DENND4C: variants seen among roughly 807,000 people sequenced by gnomAD.
DENND4C encodes DENN domain-containing protein 4C.
A neutral mutation model predicts 203.0 loss-of-function variants in DENND4C; 108 were observed. The ratio of observed to expected loss-of-function variants is 0.53; its 90% CI spans 0.46 to 0.62. The LOEUF is 0.62. Among genes scored for constraint, DENND4C ranks in the 20% least tolerant of loss-of-function variants. DENND4C has a pLI of 0.00. For missense variants in DENND4C, 2,481 were observed against 2,301.2 expected (o/e 1.08, Z -1.60); for synonymous variants, 871 against 792.4 (o/e 1.10, Z -1.67).
chr9:19,315,018 G>T (rs1302952119), intron 10 of DENND4C, among the ~76,000 whole-genome samples: 4 of 151,894 alleles, frequency 2.6e-5, no homozygotes, highest in Non-Finnish European at 5.9e-5. Context: ...AAATTAGCTG[G>T]GCGTGATGGC....
chr9:19,271,559 C>G (rs59648762), intron 1 of DENND4C, among the ~76,000 whole-genome samples: 4,238 of 152,182 alleles, frequency 0.028, 190 homozygotes, highest in African/African-American at 0.094. Flanking sequence ...AGTCAAAAAA[C>G]AGTTTTGAAA....
chr9:19,290,912 C>T (rs776337941), intron 5 of DENND4C, 36 bp downstream of exon 5: 16 of 1,570,292 alleles, frequency 1.0e-5, no homozygotes, highest in African/African-American at 1.4e-5. Flanking sequence ...CACATTTTGT[C>T]CATGTTTTTA....
rs760607591 is a variant in DENND4C at position 19,356,967 on chromosome 9, T to G, written c.4782-5T>G. On this transcript the variant is annotated splice_polypyrimidine_tract_variant and splice_region_variant and intron_variant, in intron 26 of 32. Transcript: ENST00000434457. ...GGCTCTTTTTCCCCCCTTTTCCTTA[T>G]GTAGCTTTTTCCTGAAACCAAGTAC... 2 of 1,613,122 alleles carry G rather than the reference T, an allele frequency of 1.2e-6. No individual in the cohort carries two copies. The highest frequency in any genetic ancestry group is 3.3e-5 in the Admixed American group (2 of 59,932).
chr9:19,281,028 A>T lies in DENND4C; in HGVS notation c.305+4549A>T, dbSNP rs753323179. On this transcript the variant is annotated intron_variant, in intron 2 of 32. Coordinates refer to ENST00000434457, the MANE Select transcript of DENND4C (RefSeq NM_001330640.2). ...AGTGCTGGGATTACAGGAGTGAGCCACTGTGCCGGGCCAGTCGTCTTTTAG... is the reference window on the plus strand; with the variant it reads ...AGTGCTGGGATTACAGGAGTGAGCCTCTGTGCCGGGCCAGTCGTCTTTTAG... 1.4e-4 allele frequency among the ~76,000 whole-genome samples: 21 copies of T among 152,304 alleles called. No homozygotes were observed. In the East Asian group the frequency reaches 3.7e-3, roughly 27 times the overall value.
intron 10 of DENND4C, among the ~76,000 whole-genome samples, chr9:19,313,689 T>A (rs1179139194): frequency 6.6e-6 from 1 of 152,224 alleles, no homozygotes; most frequent in Non-Finnish European, 1.5e-5. Flanking sequence ...TATTAGACGT[T>A]TATCCTTACA....
intron 31 of DENND4C, 65 bp from the exon 32 acceptor site, chr9:19,371,691 A>T (rs1176222678): frequency 6.0e-6 from 5 of 830,836 alleles, no homozygotes; most frequent in Non-Finnish European, 9.9e-6. Flanking sequence ...TTCACCATTA[A>T]AAAAAATGCA....
chr9:19,330,079 C>A (rs1818727276), intron 16 of DENND4C, among the ~76,000 whole-genome samples: 1 of 152,112 alleles, frequency 6.6e-6, no homozygotes. Flanking sequence ...GTTCATATTT[C>A]TTTCAATGTT....
intron 1 of DENND4C, among the ~76,000 whole-genome samples, chr9:19,251,266 A>G (rs1482217226): frequency 6.6e-6 from 1 of 152,222 alleles, no homozygotes; most frequent in African/African-American, 2.4e-5. Context: ...CTCTGAAACC[A>G]TGGCCTGAGC....
chr9:19,232,267 T>C (rs1283853811), intron 1 of DENND4C, among the ~76,000 whole-genome samples: 1 of 152,190 alleles, frequency 6.6e-6, no homozygotes, highest in African/African-American at 2.4e-5. Flanking sequence ...TGACTTGTTT[T>C]TTTTTTCAGT....
intron 1 of DENND4C, among the ~76,000 whole-genome samples, chr9:19,255,161 A>G (rs902595730): frequency 5.9e-5 from 9 of 152,042 alleles, no homozygotes; most frequent in African/African-American, 1.9e-4. Context: ...TCAGTGGCTC[A>G]GGAGGTGGAG....
Position 19,276,284 on chromosome 9 carries a change from C to T in DENND4C, c.110C>T (p.Thr37Ile), listed in dbSNP as rs542958751. ...QEINRLDTKS[T>I]GPKAPITDIA... ...ATAAATCGTTTAGATACTAAGTCAACTGGACCTAAAGCTCCAATTACAGAC... is the reference window on the plus strand; with the variant it reads ...ATAAATCGTTTAGATACTAAGTCAATTGGACCTAAAGCTCCAATTACAGAC... The change falls in exon 2 of 33, where the codon ACT (threonine) becomes ATT (isoleucine). Residue 37 changes from threonine (T) to isoleucine (I), a missense_variant. This residue lies in a region of DENND4C where 187 missense variants were observed against 167.4 expected (regional missense o/e 1.12). Coordinates refer to ENST00000434457, the MANE Select transcript of DENND4C (RefSeq NM_001330640.2). 4.9e-5 allele frequency: 60 copies of T among 1,231,696 alleles called. No individual in the cohort carries two copies. The highest frequency in any genetic ancestry group is 6.2e-4 in the Middle Eastern group (2 of 3,230). 76.3% of individuals were successfully genotyped at this position (1,231,696 alleles called of 1,614,324 possible).
At chr9:19,324,659 T>G (rs1843429596) in intron 13 of DENND4C, 152 bp downstream of exon 13, 1 of 766,382 alleles carries the variant, frequency 1.3e-6, no homozygotes, top group Non-Finnish European at 2.0e-6. Flanking sequence ...GCTGAATATA[T>G]GAATAAAATT....
At position 19,369,922 on chromosome 9, in the gene DENND4C, C is replaced by T; in HGVS notation, c.5610C>T (p.His1870=). The change falls in exon 31 of 33, where the codon CAC becomes CAT. Residue 1870 remains histidine, a synonymous_variant. Coordinates refer to ENST00000434457, the MANE Select transcript of DENND4C (RefSeq NM_001330640.2). ...LVETIRQSIQ[H]NNVLKPINLL... ...AAACCATCAGGCAGAGTATTCAGCA[C>T]AATAATGTTCTTAAACCCATCAACC... The T allele has an allele frequency of 6.2e-7, 1 of 1,613,870 alleles. No homozygotes were observed. Among genetic ancestry groups the T allele is most frequent in the Non-Finnish European group, 8.5e-7 (1 of 1,179,926 alleles).
intron 2 of DENND4C, among the ~76,000 whole-genome samples, chr9:19,281,622 A>C (rs1400175678): frequency 6.6e-6 from 1 of 152,216 alleles, no homozygotes; most frequent in African/African-American, 2.4e-5. Flanking sequence ...AATATGTAAA[A>C]TCTGATATTC....
At chr9:19,241,900 T>C (rs1359287141) in intron 1 of DENND4C, among the ~76,000 whole-genome samples, 4 of 151,710 alleles carry the variant, frequency 2.6e-5, no homozygotes, top group African/African-American at 7.3e-5. Context: ...TGTTTAAAAG[T>C]ATGACATAGG....
chr9:19,349,617 T>C (rs1823640988), intron 23 of DENND4C, among the ~76,000 whole-genome samples: 1 of 152,232 alleles, frequency 6.6e-6, no homozygotes, highest in Non-Finnish European at 1.5e-5. Flanking sequence ...ATGAAAAGTC[T>C]ATAAAATGTT....
At chr9:19,338,656 A>T (rs1035794304) in intron 20 of DENND4C, among the ~76,000 whole-genome samples, 1 of 152,182 alleles carries the variant, frequency 6.6e-6, no homozygotes, top group African/African-American at 2.4e-5. Flanking sequence ...GGTACCTGGT[A>T]CAGAGTCACT....
intron 16 of DENND4C, among the ~76,000 whole-genome samples, chr9:19,331,012 C>T (rs1017766009): frequency 1.3e-5 from 2 of 151,494 alleles, no homozygotes; most frequent in East Asian, 2.0e-4. Flanking sequence ...GCTGAGATCA[C>T]GCCATTGCAC....
Position 19,372,265 on chromosome 9 carries a change from G to A in DENND4C, c.*92G>A, listed in dbSNP as rs1222720157. 2 of 1,452,086 alleles carry A rather than the reference G, an allele frequency of 1.4e-6. No individual in the cohort carries two copies. The highest frequency in any genetic ancestry group is 9.3e-7 in the Non-Finnish European group (1 of 1,070,844). 90.0% of individuals were successfully genotyped at this position (1,452,086 alleles called of 1,614,324 possible). On this transcript the variant is annotated 3_prime_UTR_variant, in exon 33 of 33. Coordinates refer to ENST00000434457, the MANE Select transcript of DENND4C (RefSeq NM_001330640.2). Reference sequence around the variant, plus strand: ...TTTTTTTTTCCAAATCGTAAGAACTGGTGAATACGGAATTGAAGTAACTCT... The same window carrying A: ...TTTTTTTTTCCAAATCGTAAGAACTAGTGAATACGGAATTGAAGTAACTCT...
Sources: gnomAD v4.1 joint callset for allele counts (sites outside exome capture counted in the v4.1 genomes callset) on GRCh38, gnomAD v4.1.1 for gene constraint, gnomAD v4.1.1 regional missense constraint, MANE v1.5 for transcripts, NCBI Gene and HGNC (gene_info 2026-07-23, HGNC 2026-07-21) for gene names.